MBP: variants seen among roughly 807,000 people sequenced by gnomAD.
MBP encodes Golli-MBP.
A neutral mutation model predicts 35.8 loss-of-function variants in MBP; 16 were observed. The observed-to-expected ratio is 0.45, with a 90% CI of 0.30 to 0.68. The LOEUF (loss-of-function observed/expected upper bound fraction) is 0.68. Among genes scored for constraint, MBP ranks in the 30% least tolerant of loss-of-function variants. The pLI, the probability that MBP is intolerant of heterozygous loss-of-function variation, is 0.08. For synonymous variants in MBP, 143 were observed against 159.6 expected, an observed-to-expected ratio of 0.90 and a Z score of 0.78; for missense variants, 380 against 404.7, an observed-to-expected ratio of 0.94 and a Z score of 0.52.
At chr18:77,028,493 A>G (rs1441702593) in intron 3 of MBP, among the ~76,000 whole-genome samples, 3 of 101,358 alleles carry the variant, frequency 3.0e-5, no homozygotes, top group Non-Finnish European at 5.0e-5. Context: ...CCCGTTCTCA[A>G]TGAGCTGTTG....
chr18:77,092,093 G>A (rs1173284923), intron 2 of MBP, among the ~76,000 whole-genome samples: 1 of 152,204 alleles, frequency 6.6e-6, no homozygotes, highest in Non-Finnish European at 1.5e-5. Context: ...GTAAAAGCAA[G>A]CACAGATTTT....
chr18:77,003,314 T>G (rs988500523), intron 4 of MBP: 1 of 152,202 alleles, frequency 6.6e-6, no homozygotes, highest in Non-Finnish European at 1.5e-5. Context: ...AGGTTGCACA[T>G]GGCGGGTTTT....
intron 2 of MBP, among the ~76,000 whole-genome samples, chr18:77,093,955 G>C (rs1599233053): frequency 2.0e-5 from 3 of 150,664 alleles, no homozygotes. Flanking sequence ...GACTATTCAC[G>C]GGTTTTTAAA....
intron 4 of MBP, chr18:77,005,707 C>T (rs944941645): frequency 6.6e-5 from 10 of 152,458 alleles, no homozygotes; most frequent in Admixed American, 3.3e-4. Context: ...CACAGAAACA[C>T]AGAGGACCCA....
At chr18:76,997,532 G>A (rs956526690) in intron 4 of MBP, among the ~76,000 whole-genome samples, 1 of 152,218 alleles carries the variant, frequency 6.6e-6, no homozygotes, top group Non-Finnish European at 1.5e-5. Context: ...GGTTGTTTCC[G>A]GAGACTCCAG....
chr18:77,112,169 G>GCGCGCACACA (rs370587502), intron 1 of MBP, among the ~76,000 whole-genome samples: 3 of 150,874 alleles, frequency 2.0e-5, no homozygotes, highest in Non-Finnish European at 4.4e-5. Context: ...CCGTGCACAC[G>GCGCGCACACA]CACACACACA....
At chr18:76,994,963 T>A (rs1227420486) in intron 4 of MBP, among the ~76,000 whole-genome samples, 1 of 152,248 alleles carries the variant, frequency 6.6e-6, no homozygotes, top group Non-Finnish European at 1.5e-5. Context: ...GTTGCCTAGA[T>A]AATTTGAGGC....
rs148905068 is a variant in MBP at position 76,997,312 on chromosome 18, AG to A, written c.577-7253del. Among the ~76,000 whole-genome samples, 383 of 152,378 alleles carry A rather than the reference AG, an allele frequency of 2.5e-3. 1 individual carries two copies. Among genetic ancestry groups the A allele is most frequent in the African/African-American group, 8.8e-3 (365 of 41,596 alleles). ...CAGCCTTGTGAAAAGAGCTTGCTGC[AG>A]GGAGCTGGGAAGCTCCAGCCCGGGC... On this transcript the variant is annotated intron_variant, in intron 4 of 8. Transcript: ENST00000355994.
rs116504811 is a variant in MBP at position 76,990,839 on chromosome 18, C to T, written c.577-779G>A. ...CCACCAGACACACCTGGGGCAGCTA[C>T]GGGCTGGCAGCAGCGGGTTTGGGTG... On this transcript the variant is annotated intron_variant, in intron 4 of 8. Transcript: ENST00000355994. The T allele has an allele frequency of 9.5e-3, 2,492 of 261,680 alleles. 71 individuals carry two copies. Among genetic ancestry groups the T allele is most frequent in the African/African-American group, 0.052 (2,252 of 42,960 alleles). The allele number at this position is 261,680 out of a possible 1,614,324, so 16.2% of individuals were successfully genotyped here. A position where few individuals can be genotyped will look rare whatever the true frequency, so the allele number is the denominator to read the frequency against.
chr18:77,002,719 A>G (rs1018553530), intron 4 of MBP: 13 of 152,264 alleles, frequency 8.5e-5, no homozygotes, highest in Non-Finnish European at 2.9e-5. Context: ...TTTAGACTGC[A>G]TGCCAAGCGA....
At chr18:77,052,304 A>AT (rs1247730653) in intron 3 of MBP, among the ~76,000 whole-genome samples, 1 of 152,244 alleles carries the variant, frequency 6.6e-6, no homozygotes, top group Non-Finnish European at 1.5e-5. Context: ...CCCAACAGAC[A>AT]TAAGTGATCA....
chr18:77,074,584 G>A (rs981254917), intron 2 of MBP, among the ~76,000 whole-genome samples: 2 of 152,128 alleles, frequency 1.3e-5, no homozygotes, highest in Admixed American at 6.5e-5. Context: ...GGCCTGGGAG[G>A]AGGAGATGCT....
Position 76,988,137 on chromosome 18 carries a change from G to T in MBP, c.750+358C>A. The stretch of plus-strand genomic sequence containing the variant: ...CCCACTTCCACATGCGGGTTCCTGG[G>T]GCTTCTCGCACTGGTTGTGTTGGAG... On this transcript the variant is annotated intron_variant, in intron 7 of 8. Transcript: ENST00000355994. This position sits in a 1 kb window ranked among gnomAD's most constrained non-coding sequence, Gnocchi z 5.2. The T allele has an allele frequency of 1.3e-6, 2 of 1,529,846 alleles. No homozygotes were observed. Among genetic ancestry groups the T allele is most frequent in the Admixed American group, 2.0e-5 (1 of 50,826 alleles). 94.8% of individuals were successfully genotyped at this position (1,529,846 alleles called of 1,614,324 possible). A position where few individuals can be genotyped will look rare whatever the true frequency, so the allele number is the denominator to read the frequency against.
At chr18:76,987,922 C>G (rs1256925643) in intron 7 of MBP, 1 of 1,115,732 alleles carries the variant, frequency 9.0e-7, no homozygotes. Context: ...GCCTAAAATT[C>G]CTAAGGAAGA....
chr18:77,121,440 T>A (rs1056478173), intron 1 of MBP, among the ~76,000 whole-genome samples: 2 of 152,234 alleles, frequency 1.3e-5, no homozygotes, highest in Non-Finnish European at 2.9e-5. Context: ...CCCTGGCATT[T>A]CACATACATT....
intron 1 of MBP, among the ~76,000 whole-genome samples, chr18:77,123,703 C>T (rs1237531527): frequency 1.3e-5 from 2 of 152,242 alleles, no homozygotes; most frequent in East Asian, 3.8e-4. Flanking sequence ...CAGGAGCCAG[C>T]TTGTCCCCTC....
chr18:77,027,033 G>A (rs955580724), intron 3 of MBP, among the ~76,000 whole-genome samples: 3 of 152,210 alleles, frequency 2.0e-5, no homozygotes, highest in South Asian at 2.1e-4. Flanking sequence ...GCCGTGAGTC[G>A]CCACTGTTGG....
At chr18:77,036,455 A>T (rs1446185689) in intron 3 of MBP, among the ~76,000 whole-genome samples, 2 of 129,798 alleles carry the variant, frequency 1.5e-5, no homozygotes, top group Non-Finnish European at 3.2e-5. Context: ...TGAGCTGAGC[A>T]AGTGCTGGTC....
At chr18:77,081,972 C>T (rs1974958907) in intron 2 of MBP, among the ~76,000 whole-genome samples, 1 of 151,920 alleles carries the variant, frequency 6.6e-6, no homozygotes, top group South Asian at 2.1e-4. Flanking sequence ...CTGCCTCAGC[C>T]TCCCAAGTAG....
Sources: allele counts gnomAD v4.1 joint callset (sites outside exome capture counted in the v4.1 genomes callset), GRCh38; gene constraint gnomAD v4.1.1; non-coding constraint Gnocchi (gnomAD v3.1); transcripts MANE v1.5; gene names NCBI Gene and HGNC (gene_info 2026-07-23, HGNC 2026-07-21).